Variants in MAGI1 observed in about 807,000 individuals in gnomAD.
MAGI1 encodes membrane-associated guanylate kinase, WW and PDZ domain-containing protein 1.
A neutral mutation model predicts 139.9 loss-of-function variants in MAGI1; 58 were observed. That is an observed-to-expected ratio of 0.41 (90% confidence interval 0.34 to 0.52). The LOEUF (loss-of-function observed/expected upper bound fraction) is 0.52. Among genes scored for constraint, MAGI1 ranks in the 20% least tolerant of loss-of-function variants. The pLI is 0.12. For synonymous variants in MAGI1, 812 were observed against 737.9 expected (o/e 1.10, Z -1.63); for missense variants, 1,874 against 1,901.6 (o/e 0.99, Z 0.27).
chr3:65,786,864 C>G (rs887466153), intron 1 of MAGI1, among the ~76,000 whole-genome samples: 1 of 152,128 alleles, frequency 6.6e-6, no homozygotes, highest in African/African-American at 2.4e-5. Flanking sequence ...ATCCGCCCGC[C>G]TCGGCCTCCC....
intron 1 of MAGI1, among the ~76,000 whole-genome samples, chr3:66,015,213 T>C (rs1341947157): frequency 1.4e-5 from 2 of 147,318 alleles, no homozygotes; most frequent in Admixed American, 6.8e-5. Flanking sequence ...AAAATAAAAA[T>C]AGAAATACAA....
chr3:65,414,074 T>A (rs2107218826), intron 12 of MAGI1, among the ~76,000 whole-genome samples: 1 of 152,362 alleles, frequency 6.6e-6, no homozygotes, highest in East Asian at 1.9e-4. Flanking sequence ...TATTTCCTAC[T>A]GTTTATTTAT....
At chr3:66,015,129 GC>G (rs2067554555) in intron 1 of MAGI1, among the ~76,000 whole-genome samples, 1 of 141,894 alleles carries the variant, frequency 7.0e-6, no homozygotes, top group African/African-American at 2.7e-5. Flanking sequence ...GATTGCTTGA[GC>G]CCAGGAGTTC....
intron 1 of MAGI1, chr3:65,687,986 G>C (rs2088209431): frequency 4.9e-6 from 4 of 818,650 alleles, no homozygotes; most frequent in Non-Finnish European, 2.1e-6. Flanking sequence ...GACTACTGAA[G>C]GACTTGAGGG....
At chr3:65,533,145 G>A (rs567434817) in intron 2 of MAGI1, among the ~76,000 whole-genome samples, 24 of 152,238 alleles carry the variant, frequency 1.6e-4, no homozygotes, top group African/African-American at 5.5e-4. Flanking sequence ...CTTACTTATG[G>A]TATGTTGAAT....
chr3:65,673,998 G>C (rs185165615), intron 1 of MAGI1, among the ~76,000 whole-genome samples: 1 of 152,112 alleles, frequency 6.6e-6, no homozygotes, highest in Admixed American at 6.5e-5. Flanking sequence ...CAGCTACTCC[G>C]GAGGCTGAGG....
intron 1 of MAGI1, among the ~76,000 whole-genome samples, chr3:65,968,843 G>A (rs1213278557): frequency 6.6e-6 from 1 of 152,092 alleles, no homozygotes; most frequent in Non-Finnish European, 1.5e-5. Flanking sequence ...CATAGGAAAT[G>A]TAATGGTTTG....
intron 2 of MAGI1, among the ~76,000 whole-genome samples, chr3:65,525,522 A>C (rs1207423419): frequency 6.6e-6 from 1 of 152,202 alleles, no homozygotes; most frequent in African/African-American, 2.4e-5. Flanking sequence ...TTCTGTTTGG[A>C]ATGTTGAGTT....
At chr3:65,646,327 G>A (rs541029167) in intron 1 of MAGI1, among the ~76,000 whole-genome samples, 2 of 150,116 alleles carry the variant, frequency 1.3e-5, no homozygotes, top group African/African-American at 4.9e-5. Flanking sequence ...ATGATAAAGG[G>A]GTCAACCCAC....
At chr3:65,712,479 C>A (rs2372184) in intron 1 of MAGI1, among the ~76,000 whole-genome samples, 55,708 of 148,526 alleles carry the variant, frequency 0.38, 10,789 homozygotes, top group Non-Finnish European at 0.42. Flanking sequence ...AAAAGCCATG[C>A]GCGATAATAA....
Position 65,364,921 on chromosome 3 carries a change from G to A in MAGI1, c.3222C>T (p.Thr1074=), listed in dbSNP as rs2106749555. 1.2e-6 allele frequency: 2 copies of A among 1,613,892 alleles called. No individual in the cohort carries two copies. The highest frequency in any genetic ancestry group is 2.2e-5 in the South Asian group (2 of 91,062). Residue 1074 remains threonine (T), a synonymous_variant, in exon 19 of 23, where the codon ACC becomes ACT. Coordinates refer to ENST00000402939, the MANE Select transcript of MAGI1 (RefSeq NM_001033057.2). ...GDESSNATLL[T]NAEKIATITT... ...TGATGGTGGCAATCTTCTCTGCATT[G>A]GTCAGCAAGGTGGCATTCGAGGACT...
intron 1 of MAGI1, among the ~76,000 whole-genome samples, chr3:65,745,787 T>C (rs1286866232): frequency 6.6e-6 from 1 of 152,192 alleles, no homozygotes; most frequent in Admixed American, 6.5e-5. Context: ...TGGAGTACAA[T>C]GGCACAATCT....
At chr3:65,837,263 C>T (rs1273455058) in intron 1 of MAGI1, among the ~76,000 whole-genome samples, 1 of 152,240 alleles carries the variant, frequency 6.6e-6, no homozygotes, top group Non-Finnish European at 1.5e-5. Context: ...CTGCCTGGCG[C>T]TGCCCACCTC....
At chr3:65,775,447 T>TG (rs1312155877) in intron 1 of MAGI1, among the ~76,000 whole-genome samples, 5 of 76,618 alleles carry the variant, frequency 6.5e-5, no homozygotes, top group Non-Finnish European at 2.7e-5. Flanking sequence ...AGACCTTCTC[T>TG]GGAAAAAAAA....
At chr3:65,949,450 G>A (rs1267360182) in intron 1 of MAGI1, among the ~76,000 whole-genome samples, 1 of 152,176 alleles carries the variant, frequency 6.6e-6, no homozygotes, top group East Asian at 1.9e-4. Context: ...ATTTAGACTT[G>A]ACCAAGTTTA....
chr3:65,693,470 C>T (rs191244445), intron 1 of MAGI1, among the ~76,000 whole-genome samples: 63 of 152,210 alleles, frequency 4.1e-4, no homozygotes, highest in African/African-American at 1.5e-3. Context: ...GAATTGCCCA[C>T]GTTTCTAAGA....
At chr3:65,833,275 C>T (rs1023536303) in intron 1 of MAGI1, among the ~76,000 whole-genome samples, 2 of 152,038 alleles carry the variant, frequency 1.3e-5, no homozygotes, top group East Asian at 1.9e-4. Context: ...TGCACCACTA[C>T]GCTCAGCTAA....
At chr3:65,810,765 C>T (rs1247474170) in intron 1 of MAGI1, among the ~76,000 whole-genome samples, 2 of 152,222 alleles carry the variant, frequency 1.3e-5, no homozygotes, top group African/African-American at 4.8e-5. Context: ...GGTCTACTGA[C>T]TTTCAACTCC....
intron 12 of MAGI1, among the ~76,000 whole-genome samples, chr3:65,415,306 T>A (rs1188249584): frequency 6.6e-6 from 1 of 152,240 alleles, no homozygotes; most frequent in East Asian, 1.9e-4. Flanking sequence ...ACCTCTTTTC[T>A]CTTAAGCTCC....
Sources: gnomAD v4.1 joint callset for allele counts (sites outside exome capture counted in the v4.1 genomes callset) on GRCh38, gnomAD v4.1.1 for gene constraint, MANE v1.5 for transcripts, NCBI Gene and HGNC (gene_info 2026-07-23, HGNC 2026-07-21) for gene names.